SCAI: variants seen among roughly 807,000 people sequenced by gnomAD.
SCAI encodes protein SCAI.
A neutral mutation model predicts 92.2 loss-of-function variants in SCAI; 24 were observed. The observed-to-expected ratio is 0.26, with a 90% CI of 0.19 to 0.37. The LOEUF is 0.37. SCAI is among the 10% of genes least tolerant of loss of function. The probability of loss-of-function intolerance (pLI) is 1.00; values close to 1 mark genes in which losing one functional copy is unlikely to be tolerated. For synonymous variants in SCAI, 261 were observed against 258.6 expected (o/e 1.01, Z -0.09); for missense variants, 450 against 736.2 (o/e 0.61, Z 4.50).
At chr9:125,088,253 G>C (rs952402310) in intron 2 of SCAI, among the ~76,000 whole-genome samples, 1 of 152,050 alleles carries the variant, frequency 6.6e-6, no homozygotes, top group Non-Finnish European at 1.5e-5. Context: ...ACACCACCAT[G>C]CTGATATGGT....
intron 2 of SCAI, among the ~76,000 whole-genome samples, chr9:125,076,625 G>GCAGGTCGAGGCAGC (rs1834095392): frequency 6.6e-6 from 1 of 152,196 alleles, no homozygotes; most frequent in Admixed American, 6.5e-5. Context: ...AGCACTTTGG[G>GCAGGTCGAGGCAGC]AGGTCGAGGC....
At chr9:125,001,232 A>G (rs1459179666) in intron 12 of SCAI, among the ~76,000 whole-genome samples, 1 of 152,264 alleles carries the variant, frequency 6.6e-6, no homozygotes, top group Non-Finnish European at 1.5e-5. Context: ...GATGGCAAGG[A>G]CATGCATTTT....
In SCAI at chr9:124,971,993, T is replaced by A. The variant is rs140737508; in HGVS notation, c.1400-149A>T. The A allele has an allele frequency of 3.0e-5, 14 of 460,978 alleles. No individual in the cohort carries two copies. In the East Asian group the frequency reaches 4.9e-4, roughly 16 times the overall value. 28.6% of individuals were successfully genotyped at this position (460,978 alleles called of 1,614,324 possible). A position where few individuals can be genotyped will look rare whatever the true frequency, so the allele number is the denominator to read the frequency against. On this transcript the variant is annotated intron_variant, in intron 15 of 17. Transcript: ENST00000336505. ...CATCAAAGCAGATTCTTCACGAAACTACAAAAACTTTGCTATGTTGCTTTC... is the reference window on the plus strand; with the variant it reads ...CATCAAAGCAGATTCTTCACGAAACAACAAAAACTTTGCTATGTTGCTTTC...
intron 2 of SCAI, among the ~76,000 whole-genome samples, chr9:125,058,014 G>A (rs887923507): frequency 2.7e-5 from 4 of 150,738 alleles, no homozygotes; most frequent in African/African-American, 9.8e-5. Flanking sequence ...CAGGAGAGTC[G>A]ACTGAGGCCA....
intron 2 of SCAI, among the ~76,000 whole-genome samples, chr9:125,092,188 G>A (rs557962672): frequency 6.9e-6 from 1 of 144,354 alleles, no homozygotes; most frequent in Admixed American, 7.1e-5. Flanking sequence ...GCTGCACATG[G>A]TGGCTCATGC....
chr9:125,107,070 T>C (rs531952699), intron 2 of SCAI, among the ~76,000 whole-genome samples: 15 of 151,968 alleles, frequency 9.9e-5, no homozygotes, highest in African/African-American at 3.1e-4. Context: ...ATACATATTC[T>C]ACTAGGTTTC....
chr9:125,006,698 G>C (rs1337595321), intron 9 of SCAI, among the ~76,000 whole-genome samples: 1 of 152,088 alleles, frequency 6.6e-6, no homozygotes, highest in Non-Finnish European at 1.5e-5. Context: ...CACCATATTG[G>C]TCAGGCTGGT....
chr9:125,047,600 G>T (rs1448197780), intron 3 of SCAI, among the ~76,000 whole-genome samples: 4 of 152,132 alleles, frequency 2.6e-5, no homozygotes, highest in African/African-American at 7.2e-5. Flanking sequence ...CAGTGAAGAA[G>T]ACAACCCCAA....
At chr9:125,067,711 A>C (rs1414582385) in intron 2 of SCAI, among the ~76,000 whole-genome samples, 1 of 152,190 alleles carries the variant, frequency 6.6e-6, no homozygotes, top group Non-Finnish European at 1.5e-5. Context: ...TTTCTCTGAC[A>C]ACTAATGAAG....
chr9:125,019,848 C>T (rs1032100990), intron 7 of SCAI, among the ~76,000 whole-genome samples: 2 of 151,838 alleles, frequency 1.3e-5, no homozygotes, highest in East Asian at 1.9e-4. Flanking sequence ...CAGAGGCTGG[C>T]GGATTGCTTG....
intron 9 of SCAI, among the ~76,000 whole-genome samples, chr9:125,011,088 C>T (rs200754048): frequency 6.6e-6 from 1 of 152,202 alleles, no homozygotes; most frequent in East Asian, 1.9e-4. Context: ...GGGGAAAAAA[C>T]AGAGCAGAAA....
At chr9:125,050,036 A>C (rs944870833) in intron 3 of SCAI, among the ~76,000 whole-genome samples, 5 of 152,184 alleles carry the variant, frequency 3.3e-5, no homozygotes, top group Admixed American at 3.3e-4. Flanking sequence ...AATTGAAGAA[A>C]GCAAGCAAAA....
intron 2 of SCAI, among the ~76,000 whole-genome samples, chr9:125,078,309 C>G (rs1834137246): frequency 6.6e-6 from 1 of 151,992 alleles, no homozygotes; most frequent in Non-Finnish European, 1.5e-5. Flanking sequence ...AGCGGATCAC[C>G]TAAGGTCAAG....
intron 9 of SCAI, among the ~76,000 whole-genome samples, chr9:125,009,394 C>G (rs1263188811): frequency 2.6e-5 from 4 of 152,118 alleles, no homozygotes; most frequent in African/African-American, 9.6e-5. Context: ...CTCAGCCTCC[C>G]AAGTAGCTGG....
At chr9:125,071,748 AAAG>A (rs1237488857) in intron 2 of SCAI, among the ~76,000 whole-genome samples, 1 of 152,236 alleles carries the variant, frequency 6.6e-6, no homozygotes, top group Non-Finnish European at 1.5e-5. Flanking sequence ...CAGGAAAAAA[AAAG>A]AACACACAAT....
At chr9:125,030,248 C>T (rs1833046917) in intron 3 of SCAI, among the ~76,000 whole-genome samples, 2 of 152,220 alleles carry the variant, frequency 1.3e-5, no homozygotes, top group African/African-American at 4.8e-5. Flanking sequence ...ATACTCCCTA[C>T]CATACAAACA....
At chr9:125,016,071 C>A (rs893348818) in intron 9 of SCAI, among the ~76,000 whole-genome samples, 3 of 148,788 alleles carry the variant, frequency 2.0e-5, no homozygotes, top group Non-Finnish European at 4.5e-5. Context: ...AGGAGATATA[C>A]CGAATGCTAA....
intron 9 of SCAI, among the ~76,000 whole-genome samples, chr9:125,010,771 G>C (rs1048693262): frequency 3.3e-5 from 5 of 152,156 alleles, no homozygotes; most frequent in African/African-American, 1.2e-4. Context: ...AGCCTAACTG[G>C]GAGGCACCCC....
At position 125,006,839 on chromosome 9, in the gene SCAI, C is replaced by T. The variant is rs187337324; in HGVS notation, c.862-3269G>A. ...AATAAATGAAATGTAAAAACTGAGG[C>T]CAGGTGTGCTGGCTCGCACCTGTAA... On this transcript the variant is annotated intron_variant, in intron 9 of 17. Transcript: ENST00000336505. 2.1e-4 allele frequency among the ~76,000 whole-genome samples: 32 copies of T among 152,258 alleles called. No homozygotes were observed. In the East Asian group the frequency reaches 5.6e-3, roughly 27 times the overall value.
Sources: gnomAD v4.1 joint callset for allele counts (sites outside exome capture counted in the v4.1 genomes callset) on GRCh38, gnomAD v4.1.1 for gene constraint, MANE v1.5 for transcripts, NCBI Gene and HGNC (gene_info 2026-07-23, HGNC 2026-07-21) for gene names.